Variants in CHN2 observed in about 807,000 individuals in gnomAD.
CHN2 encodes the protein beta-chimaerin.
In CHN2, 35 loss-of-function variants were observed where a neutral mutation model predicts 56.3. The observed-to-expected ratio is 0.62, with a 90% CI of 0.47 to 0.82. The LOEUF (loss-of-function observed/expected upper bound fraction) is 0.82, where lower values mean the gene tolerates loss of function less well. Among genes scored for constraint, CHN2 ranks in the 40% least tolerant of loss-of-function variants. The pLI is 0.00. For missense variants in CHN2, 491 were observed against 580.5 expected (o/e 0.85, Z 1.58); for synonymous variants, 210 against 212.8 (o/e 0.99, Z 0.12).
At chr7:29,234,729 C>G (rs918958635) in intron 1 of CHN2, among the ~76,000 whole-genome samples, 1 of 152,220 alleles carries the variant, frequency 6.6e-6, no homozygotes, top group Non-Finnish European at 1.5e-5. Flanking sequence ...TGTCCCGTCA[C>G]ATGAGCCTTC....
intron 6 of CHN2, among the ~76,000 whole-genome samples, chr7:29,469,649 A>G (rs62457798): frequency 0.11 from 17,005 of 152,170 alleles, 1,029 homozygotes; most frequent in Middle Eastern, 0.16. Flanking sequence ...ATTTGCCCAA[A>G]TTTCCAAATG....
At chr7:29,491,206 T>A (rs1347267952) in intron 7 of CHN2, among the ~76,000 whole-genome samples, 1 of 152,120 alleles carries the variant, frequency 6.6e-6, no homozygotes, top group Non-Finnish European at 1.5e-5. Context: ...TTCTCTCATG[T>A]TATGTTTTAG....
chr7:29,261,587 A>G (rs1280188868), intron 1 of CHN2, among the ~76,000 whole-genome samples: 2 of 152,248 alleles, frequency 1.3e-5, no homozygotes, highest in East Asian at 3.8e-4. Context: ...CTCAGAATTT[A>G]GGACTTTGCC....
chr7:29,281,814 G>A (rs1435689304), intron 1 of CHN2, among the ~76,000 whole-genome samples: 1 of 152,152 alleles, frequency 6.6e-6, no homozygotes, highest in East Asian at 1.9e-4. Context: ...GTTTTGACAC[G>A]GGAGATGCCT....
At chr7:29,341,210 C>G (rs1251636337) in intron 1 of CHN2, among the ~76,000 whole-genome samples, 1 of 151,756 alleles carries the variant, frequency 6.6e-6, no homozygotes, top group East Asian at 1.9e-4. Flanking sequence ...CTAGAGCTCC[C>G]TCCTTCACGT....
In CHN2 at chr7:29,398,859, C is replaced by T. The variant is rs1026354069; in HGVS notation, c.290+373C>T. Among the ~76,000 whole-genome samples, 119 of 151,860 alleles carry T rather than the reference C, an allele frequency of 7.8e-4. 1 individual carries two copies. Among genetic ancestry groups the T allele is most frequent in the Admixed American group, 6.6e-4 (10 of 15,234 alleles). ...TCAAGCCATCCGCCTGTCTCAGCCT[C>T]CCAAAGTTCTGGGATTACAGTCAGG... On this transcript the variant is annotated intron_variant, in intron 5 of 12. Coordinates refer to ENST00000222792, the MANE Select transcript of CHN2 (RefSeq NM_004067.4).
chr7:29,495,068 C>T lies in CHN2; in HGVS notation c.655-884C>T, dbSNP rs192740421. 5.4e-5 allele frequency among the ~76,000 whole-genome samples: 8 copies of T among 148,152 alleles called. No individual in the cohort carries two copies. In the South Asian group the frequency reaches 6.5e-4, roughly 12 times the overall value. ...ATAACATTTTAACTTTGTAAAAATT[C>T]GGGACATTTTTGTGCACATTTGTAT... is the stretch of plus-strand genomic sequence containing the variant. On this transcript the variant is annotated intron_variant, in intron 7 of 12. Transcript: ENST00000222792.
intron 7 of CHN2, among the ~76,000 whole-genome samples, chr7:29,493,442 G>A (rs1788880729): frequency 1.3e-5 from 2 of 152,206 alleles, no homozygotes; most frequent in Admixed American, 1.3e-4. Context: ...CATCATAGAT[G>A]GTGAAATTTA....
chr7:29,211,197 A>T (rs762707323), intron 1 of CHN2, among the ~76,000 whole-genome samples: 74 of 150,752 alleles, frequency 4.9e-4, no homozygotes, highest in Non-Finnish European at 9.1e-4. Context: ...CAGCCTCCTG[A>T]GGAGCTGGGA....
At chr7:29,275,216 G>A (rs546468180) in intron 1 of CHN2, among the ~76,000 whole-genome samples, 1 of 152,248 alleles carries the variant, frequency 6.6e-6, no homozygotes, top group African/African-American at 2.4e-5. Context: ...TTAAAATAGT[G>A]TATAATATTT....
At chr7:29,360,729 C>T (rs1371894223) in intron 2 of CHN2, among the ~76,000 whole-genome samples, 1 of 152,154 alleles carries the variant, frequency 6.6e-6, no homozygotes. Context: ...GCTCCTGGGT[C>T]CATATACCCT....
At chr7:29,509,566 C>T (rs10262481) in intron 12 of CHN2, 160 bp downstream of exon 12, 448,879 of 559,324 alleles carry the variant, frequency 0.8, 183,503 homozygotes, top group Non-Finnish European at 0.87. Flanking sequence ...GAAAGGGGCG[C>T]CACTGTGATG....
At chr7:29,200,391 CCTT>C (rs1021128857) in intron 1 of CHN2, among the ~76,000 whole-genome samples, 2 of 144,486 alleles carry the variant, frequency 1.4e-5, no homozygotes, top group Non-Finnish European at 3.0e-5. Flanking sequence ...CCTCTATCCA[CCTT>C]CTTCTCCTTC....
intron 3 of CHN2, among the ~76,000 whole-genome samples, chr7:29,390,848 T>TA (rs143782168): frequency 0.029 from 4,473 of 152,248 alleles, 95 homozygotes; most frequent in Non-Finnish European, 0.048. Context: ...CTGGGAGCCC[T>TA]AGCCCCCAGC....
chr7:29,270,616 A>G (rs1193445013), intron 1 of CHN2, among the ~76,000 whole-genome samples: 1 of 152,046 alleles, frequency 6.6e-6, no homozygotes, highest in African/African-American at 2.4e-5. Context: ...TTGAGTCAAG[A>G]TCATGTCACT....
At chr7:29,463,138 T>C (rs544249425) in intron 6 of CHN2, among the ~76,000 whole-genome samples, 1 of 152,246 alleles carries the variant, frequency 6.6e-6, no homozygotes, top group African/African-American at 2.4e-5. Flanking sequence ...CATTAATACC[T>C]AGCATTTCTT....
At chr7:29,390,064 A>C (rs1002743083) in intron 3 of CHN2, among the ~76,000 whole-genome samples, 1 of 151,330 alleles carries the variant, frequency 6.6e-6, no homozygotes, top group Non-Finnish European at 1.5e-5. Flanking sequence ...AAAAAAAAAA[A>C]AAAAAAGAAT....
chr7:29,334,799 G>T (rs944884072), intron 1 of CHN2, among the ~76,000 whole-genome samples: 1 of 152,188 alleles, frequency 6.6e-6, no homozygotes, highest in African/African-American at 2.4e-5. Context: ...TTTCATGCTT[G>T]TCGTGACTCT....
chr7:29,269,526 T>C (rs1790445748), intron 1 of CHN2, among the ~76,000 whole-genome samples: 1 of 152,210 alleles, frequency 6.6e-6, no homozygotes, highest in Non-Finnish European at 1.5e-5. Flanking sequence ...AGTGCAGATA[T>C]CTCTTCAATA....
Sources: allele counts gnomAD v4.1 joint callset (sites outside exome capture counted in the v4.1 genomes callset), GRCh38; gene constraint gnomAD v4.1.1; transcripts MANE v1.5; gene names NCBI Gene and HGNC (gene_info 2026-07-23, HGNC 2026-07-21).